Variants in KIAA1328 observed in about 807,000 individuals in gnomAD.
KIAA1328 encodes KIAA1328.
KIAA1328 carries 52 observed loss-of-function variants against 68.1 expected under a neutral mutation model. The ratio of observed to expected loss-of-function variants is 0.76; its 90% CI spans 0.61 to 0.96. The LOEUF (loss-of-function observed/expected upper bound fraction) is 0.96, where lower values mean the gene tolerates loss of function less well. Ranked by LOEUF, KIAA1328 falls within the 40% of genes least tolerant of loss-of-function variation. The pLI, the probability that KIAA1328 is intolerant of heterozygous loss-of-function variation, is 0.00. For missense variants in KIAA1328, 641 were observed against 677.6 expected (o/e 0.95, Z 0.60); for synonymous variants, 232 against 239.4 (o/e 0.97, Z 0.28).
intron 5 of KIAA1328, among the ~76,000 whole-genome samples, chr18:36,938,013 GT>G (rs2050570095): frequency 6.6e-6 from 1 of 152,008 alleles, no homozygotes; most frequent in African/African-American, 2.4e-5. Flanking sequence ...GGTCACTTAG[GT>G]TGATTCTGTG....
At chr18:37,095,052 A>G (rs955164940) in intron 7 of KIAA1328, among the ~76,000 whole-genome samples, 2 of 152,208 alleles carry the variant, frequency 1.3e-5, no homozygotes, top group African/African-American at 4.8e-5. Context: ...GTAAATACAT[A>G]TACATCCTGC....
chr18:37,178,020 G>A (rs2059627671), intron 9 of KIAA1328, among the ~76,000 whole-genome samples: 1 of 151,964 alleles, frequency 6.6e-6, no homozygotes, highest in Non-Finnish European at 1.5e-5. Flanking sequence ...CATTAGGTTA[G>A]TGCAAAAGTA....
chr18:37,002,228 C>CTTTTTTTTTTTTTTTTT (rs145948250), intron 6 of KIAA1328, among the ~76,000 whole-genome samples: 3 of 95,164 alleles, frequency 3.2e-5, no homozygotes, highest in Non-Finnish European at 4.3e-5. Context: ...ATTTTTTTTT[C>CTTTTTTTTTTTTTTTTT]TTTTTTTTTT....
chr18:37,125,553 A>C (rs2058369563), intron 7 of KIAA1328, among the ~76,000 whole-genome samples: 1 of 152,198 alleles, frequency 6.6e-6, no homozygotes, highest in African/African-American at 2.4e-5. Context: ...GAAATCAATG[A>C]AACCCAAAGC....
downstream of KIAA1328, among the ~76,000 whole-genome samples, chr18:37,228,008 T>C (rs940002765): frequency 4.6e-5 from 7 of 152,136 alleles, no homozygotes; most frequent in Non-Finnish European, 8.8e-5. Flanking sequence ...AGAAGTTGAT[T>C]CTAACCCTCA....
intron 5 of KIAA1328, among the ~76,000 whole-genome samples, chr18:36,916,902 C>T (rs1215804416): frequency 6.6e-6 from 1 of 151,782 alleles, no homozygotes; most frequent in Non-Finnish European, 1.5e-5. Flanking sequence ...GCATCTGCCA[C>T]TGTACCCAGC....
chr18:37,077,964 A>G lies in KIAA1328; in HGVS notation c.1232+10419A>G, dbSNP rs571900071. ...ACCTACCAATGACTGTCTTCACAGA[A>G]TTGGAAAAAACTACTTTAAAGTTCA... On this transcript the variant is annotated intron_variant, in intron 7 of 9. Transcript: ENST00000280020. Among the ~76,000 whole-genome samples, 14 of 152,304 alleles carry G rather than the reference A, an allele frequency of 9.2e-5. No homozygotes were observed. The South Asian group carries it at 1.5e-3, about 16-fold the overall frequency.
intron 6 of KIAA1328, among the ~76,000 whole-genome samples, chr18:37,056,317 T>G (rs545709656): frequency 6.6e-6 from 1 of 152,312 alleles, no homozygotes; most frequent in African/African-American, 2.4e-5. Context: ...ATTTTTAAAA[T>G]TATCTTAAAG....
chr18:36,956,931 C>A (rs2151259138), intron 5 of KIAA1328, among the ~76,000 whole-genome samples: 1 of 152,222 alleles, frequency 6.6e-6, no homozygotes, highest in African/African-American at 2.4e-5. Flanking sequence ...ACTCTGAAAA[C>A]CTATTTAGAC....
At chr18:36,911,782 G>GT (rs1294131026) in intron 5 of KIAA1328, among the ~76,000 whole-genome samples, 1 of 152,158 alleles carries the variant, frequency 6.6e-6, no homozygotes, top group Non-Finnish European at 1.5e-5. Flanking sequence ...CTGTGGATAT[G>GT]TAACAGCTTC....
At chr18:37,211,737 T>C (rs1426393268) in intron 9 of KIAA1328, among the ~76,000 whole-genome samples, 2 of 152,252 alleles carry the variant, frequency 1.3e-5, no homozygotes, top group Non-Finnish European at 2.9e-5. Context: ...TAAATTTTTT[T>C]ACTATATTTC....
intron 4 of KIAA1328, among the ~76,000 whole-genome samples, chr18:36,883,415 T>A (rs1019472981): frequency 6.6e-6 from 1 of 152,212 alleles, no homozygotes; most frequent in Non-Finnish European, 1.5e-5. Flanking sequence ...GTAGCTGTGA[T>A]AGAGCATTTT....
chr18:37,224,678 C>G lies in KIAA1328; in HGVS notation c.*2451C>G. ...TGCAGACTATCCCAAGAGAAAGGAT[C>G]TGGCACAAAGGAATCTGCCTTTCCT... On this transcript the variant is annotated 3_prime_UTR_variant, in exon 10 of 10. Transcript: ENST00000280020. The G allele has an allele frequency of 1.0e-6, 1 of 985,430 alleles. No homozygotes were observed. Among genetic ancestry groups the G allele is most frequent in the Non-Finnish European group, 1.2e-6 (1 of 829,946 alleles). 61.0% of individuals were successfully genotyped at this position (985,430 alleles called of 1,614,324 possible). A position where few individuals can be genotyped will look rare whatever the true frequency, so the allele number is the denominator to read the frequency against.
chr18:37,038,979 T>C (rs1196900214), intron 6 of KIAA1328, among the ~76,000 whole-genome samples: 2 of 152,174 alleles, frequency 1.3e-5, no homozygotes, highest in Middle Eastern at 3.2e-3. Context: ...CTTTTGGTTT[T>C]GGGGTTTTGC....
At chr18:37,090,507 C>T (rs2057237643) in intron 7 of KIAA1328, among the ~76,000 whole-genome samples, 1 of 152,162 alleles carries the variant, frequency 6.6e-6, no homozygotes, top group South Asian at 2.1e-4. Flanking sequence ...GTGGAGACAA[C>T]ATCATTTCCA....
chr18:37,152,230 T>TA (rs2154210272), intron 7 of KIAA1328, among the ~76,000 whole-genome samples: 1 of 152,138 alleles, frequency 6.6e-6, no homozygotes, highest in Non-Finnish European at 1.5e-5. Flanking sequence ...CCAGCTTTTA[T>TA]AGCATCTTCA....
At chr18:37,143,254 C>T (rs552389765) in intron 7 of KIAA1328, among the ~76,000 whole-genome samples, 2 of 152,170 alleles carry the variant, frequency 1.3e-5, no homozygotes, top group South Asian at 2.1e-4. Context: ...CATGCCCGGC[C>T]TACTTAGATA....
chr18:37,025,508 A>G (rs1424319796), intron 6 of KIAA1328, among the ~76,000 whole-genome samples: 4 of 152,210 alleles, frequency 2.6e-5, no homozygotes, highest in Non-Finnish European at 5.9e-5. Context: ...AAGAACAGAA[A>G]TTATAACAAA....
At chr18:37,124,244 C>T (rs1250424044) in intron 7 of KIAA1328, among the ~76,000 whole-genome samples, 2 of 152,148 alleles carry the variant, frequency 1.3e-5, no homozygotes, top group Non-Finnish European at 2.9e-5. Context: ...TTATACCTTT[C>T]TTCTCACTCA....
Sources: allele counts gnomAD v4.1 joint callset (sites outside exome capture counted in the v4.1 genomes callset), GRCh38; gene constraint gnomAD v4.1.1; transcripts MANE v1.5; gene names NCBI Gene and HGNC (gene_info 2026-07-23, HGNC 2026-07-21).